The following HEATR4 variants were observed in gnomAD, a reference collection of about 807,000 sequenced individuals.
The protein encoded by HEATR4 is HEAT repeat containing 4.
Under a neutral mutation model 108.8 loss-of-function variants are expected in HEATR4, and 95 were observed. That is an observed-to-expected ratio of 0.87 (90% CI 0.74 to 1.04). The LOEUF (loss-of-function observed/expected upper bound fraction) is 1.04, where lower values mean the gene tolerates loss of function less well. Ranked by LOEUF, HEATR4 falls within the 50% of genes least tolerant of loss-of-function variation. The probability of loss-of-function intolerance (pLI) is 0.00; values close to 1 mark genes in which losing one functional copy is unlikely to be tolerated. For synonymous variants in HEATR4, 443 were observed against 459.4 expected, an observed-to-expected ratio of 0.96 and a Z score of 0.46; for missense variants, 1,152 against 1,253.8, an observed-to-expected ratio of 0.92 and a Z score of 1.23.
chr14:73,516,463 G>C (rs947767585), intron 5 of HEATR4, among the ~76,000 whole-genome samples: 1 of 137,820 alleles, frequency 7.3e-6, no homozygotes, highest in African/African-American at 2.8e-5. Flanking sequence ...CTCTGCTCAA[G>C]GAGTTAAAAT....
chr14:73,580,917 G>A, the HEATR4 span: 2 of 151,960 alleles, frequency 1.3e-5, no homozygotes, highest in African/African-American at 4.8e-5. Context: ...AGGAGAAAGG[G>A]GGAAAGGAAA....
chr14:73,512,042 C>G lies in HEATR4; in HGVS notation c.1522G>C (p.Glu508Gln), dbSNP rs1379569435. 1.2e-6 allele frequency: 2 copies of G among 1,614,078 alleles called. No individual in the cohort carries two copies. The highest frequency in any genetic ancestry group is 1.7e-6 in the Non-Finnish European group (2 of 1,179,992). The part of the protein sequence containing the change: ...AITTCATAAL[E>Q]RPRIATSQRD... The stretch of plus-strand genomic sequence containing the variant: ...TGGCTGGTGGCAATCCGGGGCCGTT[C>G]CAAAGCAGCTGTGGCACATGTGGTG... The change falls in exon 7 of 18, where the codon GAA (glutamate) becomes CAA (glutamine). Residue 508 changes from glutamate to glutamine, a missense_variant. Transcript: ENST00000553558.
At chr14:73,622,292 C>A in the HEATR4 span, among the ~76,000 whole-genome samples, 1 of 152,086 alleles carries the variant, frequency 6.6e-6, no homozygotes, top group Admixed American at 6.6e-5. Context: ...GGCAAGACAG[C>A]CCTAGACCTC....
the HEATR4 span, among the ~76,000 whole-genome samples, chr14:73,630,531 GTGGGGAA>G: frequency 6.6e-6 from 1 of 152,216 alleles, no homozygotes; most frequent in East Asian, 1.9e-4. Flanking sequence ...ACTAAGCTGA[GTGGGGAA>G]ACCCAGCAAG....
chr14:73,501,532 A>G (rs779747094), intron 11 of HEATR4, among the ~76,000 whole-genome samples: 3 of 146,088 alleles, frequency 2.1e-5, no homozygotes, highest in Admixed American at 6.9e-5. Flanking sequence ...GATTATAGGC[A>G]CTTACCCACT....
rs569637907 is a variant in HEATR4, at chr14:73,526,112, GGA to G, written c.-72-2890_-72-2889del. On this transcript the variant is annotated intron_variant, in intron 2 of 17. Coordinates refer to ENST00000553558, the MANE Select transcript of HEATR4 (RefSeq NM_001220484.1). ...TCCCTCACCTCTGGCACAACAGCTT[GGA>G]GAGAGAATCTGTGCATGTGGTGGAG... 1.6e-3 allele frequency among the ~76,000 whole-genome samples: 251 copies of G among 152,312 alleles called. 1 individual carries two copies. The highest frequency in any genetic ancestry group is 5.7e-3 in the African/African-American group (238 of 41,570).
At chr14:73,524,310 A>AAAAAAAAAAAATATAT in intron 2 of HEATR4, among the ~76,000 whole-genome samples, 2 of 54,780 alleles carry the variant, frequency 3.7e-5, no homozygotes, top group African/African-American at 1.8e-4. Context: ...AAAAAAAAAA[A>AAAAAAAAAAAATATAT]ATATATATAT....
the HEATR4 span, among the ~76,000 whole-genome samples, chr14:73,601,649 T>G: frequency 6.6e-6 from 1 of 152,230 alleles, no homozygotes; most frequent in Non-Finnish European, 1.5e-5. Context: ...TGATGAGTCA[T>G]AGAAACCATA....
chr14:73,614,690 T>C, the HEATR4 span, among the ~76,000 whole-genome samples: 1 of 147,062 alleles, frequency 6.8e-6, no homozygotes, highest in Non-Finnish European at 1.5e-5. Context: ...GAGGTTGCAG[T>C]GAGCCAAGAT....
chr14:73,570,922 T>A, the HEATR4 span, among the ~76,000 whole-genome samples: 1 of 144,078 alleles, frequency 6.9e-6, no homozygotes, highest in South Asian at 2.2e-4. Flanking sequence ...AAAAAAAAAA[T>A]TCAGGTAGTT....
At chr14:73,598,609 G>A in the HEATR4 span, among the ~76,000 whole-genome samples, 1 of 152,120 alleles carries the variant, frequency 6.6e-6, no homozygotes, top group Non-Finnish European at 1.5e-5. Context: ...GCTCATGCCT[G>A]TAATCCCAGC....
upstream of HEATR4, among the ~76,000 whole-genome samples, chr14:73,563,371 G>A (rs754093667): frequency 8.6e-5 from 13 of 151,998 alleles, no homozygotes; most frequent in South Asian, 2.1e-4. Context: ...GAGGCAGGCC[G>A]ATCACTTGGG....
At chr14:73,606,381 AAAC>A in the HEATR4 span, among the ~76,000 whole-genome samples, 11 of 90,102 alleles carry the variant, frequency 1.2e-4, no homozygotes, top group Non-Finnish European at 1.9e-4. Context: ...AAACAAAACA[AAAC>A]AAAAAAAAAA....
chr14:73,567,020 G>A, the HEATR4 span, among the ~76,000 whole-genome samples: 1 of 152,086 alleles, frequency 6.6e-6, no homozygotes. Context: ...TGTTAGCCAG[G>A]ATGGTGTCGA....
At chr14:73,479,437 TTC>T (rs1247790238) in intron 17 of HEATR4, among the ~76,000 whole-genome samples, 62 of 95,906 alleles carry the variant, frequency 6.5e-4, no homozygotes, top group African/African-American at 2.3e-3. Context: ...CTTTCTTTCT[TTC>T]TTTTTTTTTT....
the HEATR4 span, among the ~76,000 whole-genome samples, chr14:73,605,719 T>C: frequency 6.6e-6 from 1 of 151,882 alleles, no homozygotes; most frequent in South Asian, 2.1e-4. Flanking sequence ...TACAGGTGCC[T>C]GCCACCATGC....
chr14:73,620,764 C>T, the HEATR4 span, among the ~76,000 whole-genome samples: 4 of 151,712 alleles, frequency 2.6e-5, no homozygotes, highest in Non-Finnish European at 4.4e-5. Flanking sequence ...GACAGGGTTT[C>T]ACCATGTTGG....
chr14:73,621,258 T>C, the HEATR4 span, among the ~76,000 whole-genome samples: 3 of 152,126 alleles, frequency 2.0e-5, no homozygotes, highest in Non-Finnish European at 4.4e-5. Context: ...CCAGGAGCAT[T>C]ATACCTGTGG....
At chr14:73,528,570 C>T (rs114141271) in intron 2 of HEATR4, among the ~76,000 whole-genome samples, 1,916 of 152,044 alleles carry the variant, frequency 0.013, 40 homozygotes, top group African/African-American at 0.045. Flanking sequence ...CTTGGAGTCA[C>T]GGGACAGGTG....
Sources: allele counts gnomAD v4.1 joint callset (sites outside exome capture counted in the v4.1 genomes callset), GRCh38; gene constraint gnomAD v4.1.1; transcripts MANE v1.5; gene names NCBI Gene and HGNC (gene_info 2026-07-23, HGNC 2026-07-21).